The following ARPP21 variants were observed in gnomAD, a reference collection of about 807,000 sequenced individuals.
The protein encoded by ARPP21 is cAMP-regulated phosphoprotein 21.
A neutral mutation model predicts 113.2 loss-of-function variants in ARPP21; 69 were observed. The observed-to-expected ratio is 0.61, with a 90% CI of 0.50 to 0.74. The LOEUF is 0.74. ARPP21 is among the 30% of genes least tolerant of loss of function. The probability of loss-of-function intolerance (pLI) is 0.00; values close to 1 mark genes in which losing one functional copy is unlikely to be tolerated. For synonymous variants in ARPP21, 368 were observed against 375.5 expected (o/e 0.98, Z 0.23); for missense variants, 1,070 against 1,037.4 (o/e 1.03, Z -0.43).
At chr3:35,660,851 C>G (rs1364161465) in intron 1 of ARPP21, among the ~76,000 whole-genome samples, 1 of 151,952 alleles carries the variant, frequency 6.6e-6, no homozygotes, top group Non-Finnish European at 1.5e-5. Context: ...CTAATTTAAC[C>G]CTTTATCTTG....
chr3:35,700,383 A>G lies in ARPP21; in HGVS notation c.687-6591A>G, dbSNP rs560965616. 1.2e-4 allele frequency among the ~76,000 whole-genome samples: 18 copies of G among 151,882 alleles called. No homozygotes were observed. The South Asian group carries it at 3.7e-3, about 31-fold the overall frequency. ...ATGCTAGTTTATGCCCATTTTATAT[A>G]AAGAAATTAGGTTATGTATTAAAAT... On this transcript the variant is annotated intron_variant, in intron 9 of 20. Coordinates refer to ENST00000684406, the MANE Select transcript of ARPP21 (RefSeq NM_001385562.1).
At chr3:35,727,593 G>A (rs1195458992) in intron 14 of ARPP21, among the ~76,000 whole-genome samples, 1 of 152,052 alleles carries the variant, frequency 6.6e-6, no homozygotes, top group East Asian at 1.9e-4. Context: ...TGTTAGTGAT[G>A]GATTATATAT....
intron 19 of ARPP21, among the ~76,000 whole-genome samples, chr3:35,749,047 C>T (rs1274498348): frequency 6.6e-6 from 1 of 152,172 alleles, no homozygotes; most frequent in Non-Finnish European, 1.5e-5. Flanking sequence ...ACTAGTTTTG[C>T]CTTTATATGC....
chr3:35,673,401 T>C (rs1178811988), intron 1 of ARPP21, among the ~76,000 whole-genome samples: 6 of 152,006 alleles, frequency 3.9e-5, no homozygotes. Context: ...TTCGTTTTGC[T>C]GTTAAGGAGG....
chr3:35,738,424 T>G (rs1414106307), intron 17 of ARPP21, 106 bp downstream of exon 17: 49 of 831,786 alleles, frequency 5.9e-5, no homozygotes, highest in Non-Finnish European at 5.8e-6. Flanking sequence ...TGCCCTGGGC[T>G]GACTGTGAGG....
At position 35,774,246 on chromosome 3, in the gene ARPP21, T is replaced by TA. The variant is rs1171502786; in HGVS notation, c.2138-18135dup. Among the ~76,000 whole-genome samples the TA allele has an allele frequency of 6.0e-4, 92 of 152,302 alleles. 1 individual carries two copies. The highest frequency in any genetic ancestry group is 2.0e-3 in the African/African-American group (83 of 41,566). On this transcript the variant is annotated intron_variant, in intron 19 of 20. Transcript: ENST00000684406. ...AGCCTGCGCAACATAGCAAGGCCCT[T>TA]ATAAGAAAATTTCCCATATGATAAA...
intron 15 of ARPP21, among the ~76,000 whole-genome samples, chr3:35,730,128 G>A (rs1261917707): frequency 6.6e-6 from 1 of 152,188 alleles, no homozygotes; most frequent in African/African-American, 2.4e-5. Context: ...TGATTTTGGT[G>A]GGGTTTAGAA....
At chr3:35,721,495 A>T (rs1372107214) in intron 13 of ARPP21, 110 bp from the exon 14 acceptor site, 4 of 650,610 alleles carry the variant, frequency 6.1e-6, no homozygotes, top group Non-Finnish European at 1.1e-5. Context: ...GGTTGGCAGG[A>T]AGGGTCTTGT....
rs1383733627 is a variant in ARPP21, at chr3:35,721,818, G to A, written c.1209G>A (p.Gly403=). 6.2e-7 allele frequency: 1 copy of A among 1,607,568 alleles called. No homozygotes were observed. Among genetic ancestry groups the A allele is most frequent in the Admixed American group, 1.7e-5 (1 of 59,396 alleles). The change falls in exon 14 of 21, where the codon GGG becomes GGA. Residue 403 remains glycine (G), a synonymous_variant. Transcript: ENST00000684406. ...GDSTSSTRST[G]KLSKAGSESS... is the part of the protein sequence containing the mutation. ...GCACTTCCAGTACTAGGAGTACCGG[G>A]AAGCTGTCCAAAGCAGGTAGTTAGT...
chr3:35,685,757 G>T, intron 5 of ARPP21: 1 of 964,748 alleles, frequency 1.0e-6, no homozygotes, highest in Non-Finnish European at 1.2e-6. Flanking sequence ...GTGTATTACT[G>T]CAACTTGAAT....
intron 2 of ARPP21, chr3:35,681,447 G>T: frequency 3.9e-6 from 1 of 255,554 alleles, no homozygotes. Context: ...GTAGTTGTGT[G>T]GGAGTTATGT....
intron 15 of ARPP21, among the ~76,000 whole-genome samples, chr3:35,732,918 G>C (rs555170390): frequency 6.6e-6 from 1 of 151,886 alleles, no homozygotes; most frequent in African/African-American, 2.4e-5. Flanking sequence ...TTTGTGTTCT[G>C]TCTATAAATG....
chr3:35,644,842 T>C (rs1699578219), intron 1 of ARPP21, among the ~76,000 whole-genome samples: 2 of 151,930 alleles, frequency 1.3e-5, no homozygotes. Flanking sequence ...AGATCAATAT[T>C]TTTAAATATC....
At chr3:35,788,310 C>T (rs969697086) in intron 19 of ARPP21, among the ~76,000 whole-genome samples, 8 of 152,168 alleles carry the variant, frequency 5.3e-5, no homozygotes, top group African/African-American at 1.9e-4. Flanking sequence ...AATCAGGGCT[C>T]TTGCTGGTTC....
At chr3:35,737,069 G>A (rs1381392735) in intron 15 of ARPP21, 109 bp from the exon 16 acceptor site, 1 of 686,004 alleles carries the variant, frequency 1.5e-6, no homozygotes, top group Non-Finnish European at 2.6e-6. Context: ...GATTTCCACT[G>A]CCCTGCCCCT....
chr3:35,639,469 CG>C (rs1476652613), upstream of ARPP21: 11 of 152,120 alleles, frequency 7.2e-5, no homozygotes, highest in East Asian at 5.9e-4. This position sits in a 1 kb window ranked among gnomAD's most constrained non-coding sequence, Gnocchi z 5.0. Flanking sequence ...AGGAGCCGGG[CG>C]CCGCCCCCGG....
In ARPP21 at chr3:35,667,871, GA is replaced by G. The variant is rs1235738757; in HGVS notation, c.-212-11914del. Among the ~76,000 whole-genome samples, 481 of 134,032 alleles carry G rather than the reference GA, an allele frequency of 3.6e-3. 29 individuals are homozygous for G. The highest frequency in any genetic ancestry group is 0.013 in the African/African-American group (400 of 30,602). The allele number at this position is 134,032 out of a possible 152,430, so 87.9% of individuals were successfully genotyped here. A position where few individuals can be genotyped will look rare whatever the true frequency, so the allele number is the denominator to read the frequency against. ...AGAAGAAGAAGAAGAAGAAGAAGAA[GA>G]AGAAGAAGAAGAAGAAGAGGAAGAG... On this transcript the variant is annotated intron_variant, in intron 1 of 20. Coordinates refer to ENST00000684406, the MANE Select transcript of ARPP21 (RefSeq NM_001385562.1).
At chr3:35,666,147 G>A (rs10490872) in intron 1 of ARPP21, among the ~76,000 whole-genome samples, 2,349 of 152,072 alleles carry the variant, frequency 0.015, 55 homozygotes, top group African/African-American at 0.053. Context: ...AATGAATACC[G>A]ATGTTGTCAC....
intron 15 of ARPP21, among the ~76,000 whole-genome samples, chr3:35,730,186 G>T (rs2093849821): frequency 6.6e-6 from 1 of 152,174 alleles, no homozygotes; most frequent in Non-Finnish European, 1.5e-5. Context: ...AATGGCCATT[G>T]GTTCTTTAAT....
Sources: gnomAD v4.1 joint callset for allele counts (sites outside exome capture counted in the v4.1 genomes callset) on GRCh38, gnomAD v4.1.1 for gene constraint, Gnocchi (gnomAD v3.1) non-coding constraint, MANE v1.5 for transcripts, NCBI Gene and HGNC (gene_info 2026-07-23, HGNC 2026-07-21) for gene names.